DNAH7: variants seen among roughly 807,000 people sequenced by gnomAD.
DNAH7 encodes axonemal beta dynein heavy chain 7.
A neutral mutation model predicts 444.6 loss-of-function variants in DNAH7; 397 were observed. The ratio of observed to expected loss-of-function variants is 0.89; its 90% CI spans 0.82 to 0.97. The LOEUF (loss-of-function observed/expected upper bound fraction) is 0.97, where lower values mean the gene tolerates loss of function less well. DNAH7 is among the 50% of genes least tolerant of loss of function. The pLI, the probability that DNAH7 is intolerant of heterozygous loss-of-function variation, is 0.00. For missense variants in DNAH7, 4,902 were observed against 4,800.8 expected, an observed-to-expected ratio of 1.02 and a Z score of -0.62; for synonymous variants, 1,636 against 1,624.4, an observed-to-expected ratio of 1.01 and a Z score of -0.17.
At chr2:196,051,684 G>A (rs956469183) in intron 2 of DNAH7, among the ~76,000 whole-genome samples, 15 of 152,070 alleles carry the variant, frequency 9.9e-5, no homozygotes, top group Middle Eastern at 3.4e-3. Context: ...GGAGAATGGC[G>A]TGAACCCAGG....
chr2:195,834,153 T>C (rs1559130021), intron 48 of DNAH7, 53 bp downstream of exon 48: 9 of 1,539,682 alleles, frequency 5.8e-6, no homozygotes, highest in South Asian at 4.9e-5. Flanking sequence ...TTTGGGTTAA[T>C]TGTGCCCTCT....
intron 1 of DNAH7, among the ~76,000 whole-genome samples, chr2:196,068,171 A>G (rs1411504983): frequency 1.3e-5 from 2 of 152,260 alleles, no homozygotes; most frequent in Non-Finnish European, 2.9e-5. Flanking sequence ...CATGTATAGT[A>G]TAATATTGTA....
At chr2:195,968,146 T>C (rs1488699796) in intron 17 of DNAH7, among the ~76,000 whole-genome samples, 2 of 152,172 alleles carry the variant, frequency 1.3e-5, no homozygotes, top group African/African-American at 4.8e-5. Flanking sequence ...CCAGAAATAC[T>C]GTCTAAGAGC....
At chr2:195,977,962 A>T (rs1692312975) in intron 15 of DNAH7, among the ~76,000 whole-genome samples, 1 of 152,226 alleles carries the variant, frequency 6.6e-6, no homozygotes, top group Non-Finnish European at 1.5e-5. Context: ...GAGGGATTTC[A>T]TCAACACCAG....
chr2:195,854,713 A>C (rs80244966), intron 45 of DNAH7, among the ~76,000 whole-genome samples: 2,186 of 152,300 alleles, frequency 0.014, 55 homozygotes, highest in African/African-American at 0.05. Flanking sequence ...CACATTTGTA[A>C]TACACATATA....
chr2:195,881,775 C>T lies in DNAH7; in HGVS notation c.5961+20G>A. 6.2e-7 allele frequency: 1 copy of T among 1,605,326 alleles called. No individual in the cohort carries two copies. On this transcript the variant is annotated intron_variant, in intron 36 of 64. Coordinates refer to ENST00000312428, the MANE Select transcript of DNAH7 (RefSeq NM_018897.3). Reference sequence around the variant, plus strand: ...GGAAGATTATGCACAGTTTAATACGCAGATTTCTGCAGTACTTACCGTAAT... The same window carrying T: ...GGAAGATTATGCACAGTTTAATACGTAGATTTCTGCAGTACTTACCGTAAT...
chr2:195,959,086 T>A (rs61441798), intron 18 of DNAH7, among the ~76,000 whole-genome samples: 23,980 of 151,720 alleles, frequency 0.16, 2,304 homozygotes, highest in African/African-American at 0.27. Flanking sequence ...TTAATTAATT[T>A]AATTAAATAG....
intron 28 of DNAH7, 67 bp downstream of exon 28, chr2:195,900,215 T>G: frequency 2.0e-6 from 3 of 1,505,660 alleles, no homozygotes; most frequent in Non-Finnish European, 2.8e-6. Flanking sequence ...TGGAATTCTC[T>G]GAAGACCCAT....
chr2:195,835,369 AG>A (rs1698306610), intron 47 of DNAH7, among the ~76,000 whole-genome samples: 2 of 144,048 alleles, frequency 1.4e-5, no homozygotes, highest in East Asian at 2.0e-4. Flanking sequence ...AGAAAATAAA[AG>A]GTGACTGAGG....
At chr2:195,974,391 T>A (rs867685607) in intron 15 of DNAH7, among the ~76,000 whole-genome samples, 1 of 152,306 alleles carries the variant, frequency 6.6e-6, no homozygotes, top group Middle Eastern at 3.4e-3. Context: ...CTGAATAAAT[T>A]CACCAACTGT....
At chr2:195,775,768 C>T in intron 60 of DNAH7, 78 bp downstream of exon 60, 1 of 1,457,306 alleles carries the variant, frequency 6.9e-7, no homozygotes, top group Non-Finnish European at 9.2e-7. Context: ...TGTAAGGAAG[C>T]CTGTTCAGTG....
intron 48 of DNAH7, among the ~76,000 whole-genome samples, chr2:195,824,714 G>C (rs1293058246): frequency 6.6e-6 from 1 of 152,122 alleles, no homozygotes; most frequent in African/African-American, 2.4e-5. Flanking sequence ...ATGCTGCCTG[G>C]CCTGGGGTTC....
intron 3 of DNAH7, among the ~76,000 whole-genome samples, chr2:196,049,288 T>A (rs972835241): frequency 6.6e-6 from 1 of 152,144 alleles, no homozygotes. Context: ...CACAGGAAAA[T>A]AGGATAAGAA....
chr2:196,038,506 T>C (rs60788496), intron 5 of DNAH7, among the ~76,000 whole-genome samples: 6,712 of 152,076 alleles, frequency 0.044, 341 homozygotes, highest in African/African-American at 0.12. Context: ...TTAATATATA[T>C]AAACAGTTGA....
intron 46 of DNAH7, among the ~76,000 whole-genome samples, chr2:195,847,589 T>C (rs775616079): frequency 6.6e-6 from 1 of 151,482 alleles, no homozygotes; most frequent in Non-Finnish European, 1.5e-5. Flanking sequence ...CCGAACCCTG[T>C]TGACACACAA....
At chr2:195,762,052 T>C (rs1574391353) in intron 61 of DNAH7, among the ~76,000 whole-genome samples, 1 of 152,094 alleles carries the variant, frequency 6.6e-6, no homozygotes, top group East Asian at 1.9e-4. Context: ...GACAGTATAA[T>C]AGGATATAAA....
At chr2:196,009,615 G>T (rs2125713564) in intron 10 of DNAH7, among the ~76,000 whole-genome samples, 1 of 152,264 alleles carries the variant, frequency 6.6e-6, no homozygotes, top group East Asian at 1.9e-4. Flanking sequence ...GCAAAGATGT[G>T]TTGAGGAATA....
intron 5 of DNAH7, among the ~76,000 whole-genome samples, chr2:196,035,886 G>C (rs1385262581): frequency 2.6e-5 from 4 of 152,102 alleles, no homozygotes. Flanking sequence ...ACCCACAACT[G>C]CATTGTTCCA....
rs1693483624 is a variant in DNAH7 at position 195,747,288 on chromosome 2, G to A, written c.11765-6419C>T. Among the ~76,000 whole-genome samples, 4 of 152,254 alleles carry A rather than the reference G, an allele frequency of 2.6e-5. No individual in the cohort carries two copies. In the South Asian group the frequency reaches 8.3e-4, roughly 32 times the overall value. On this transcript the variant is annotated intron_variant, in intron 63 of 64. Coordinates refer to ENST00000312428, the MANE Select transcript of DNAH7 (RefSeq NM_018897.3). The stretch of plus-strand genomic sequence containing the variant: ...TTCCACAACACATATATCCTCCCAA[G>A]ACTAAACCAGGAAGAAGTTGAATCT...
Sources: allele counts gnomAD v4.1 joint callset (sites outside exome capture counted in the v4.1 genomes callset), GRCh38; gene constraint gnomAD v4.1.1; transcripts MANE v1.5; gene names NCBI Gene and HGNC (gene_info 2026-07-23, HGNC 2026-07-21).